Variants in FGFR1 observed in about 807,000 individuals in gnomAD.
FGFR1 encodes the protein FGFR1/PLAG1 fusion.
In FGFR1, 18 loss-of-function variants were observed where a neutral mutation model predicts 93.7. The observed-to-expected ratio is 0.19, with a 90% CI of 0.13 to 0.28. The LOEUF (loss-of-function observed/expected upper bound fraction) is 0.28, where lower values mean the gene tolerates loss of function less well. Among genes scored for constraint, FGFR1 ranks in the 10% least tolerant of loss-of-function variants. FGFR1 has a pLI of 1.00. For missense variants in FGFR1, 731 were observed against 1,080.4 expected (o/e 0.68, Z 4.53); for synonymous variants, 448 against 429.3 (o/e 1.04, Z -0.54).
At chr8:38,430,177 C>A in intron 2 of FGFR1, 1 of 568,976 alleles carries the variant, frequency 1.8e-6, no homozygotes, top group Non-Finnish European at 3.1e-6. Flanking sequence ...CCCCACTCCT[C>A]CAAAAGTCAA....
chr8:38,436,499 G>A lies in FGFR1; in HGVS notation c.92-6551C>T, dbSNP rs192867200. 2.4e-4 allele frequency among the ~76,000 whole-genome samples: 37 copies of A among 152,240 alleles called. No homozygotes were observed. The East Asian group carries it at 6.0e-3, about 25-fold the overall frequency. Reference sequence around the variant, plus strand: ...TTAGGGTTTGCCTTGAACATCGTTCGAGAACTCAGGCTGCTGATCTCATTA... The same window carrying A: ...TTAGGGTTTGCCTTGAACATCGTTCAAGAACTCAGGCTGCTGATCTCATTA... On this transcript the variant is annotated intron_variant, in intron 2 of 17. Coordinates refer to ENST00000447712, the MANE Select transcript of FGFR1 (RefSeq NM_023110.3).
rs973267025 is a variant in FGFR1, at chr8:38,468,327, C to G, written c.-435G>C. ...GGGCTCCATCGCCCTGCGGAGGCCCCGGCGCCGCGGCGTGCCCGACTGCAG... is the reference window on the plus strand; with the variant it reads ...GGGCTCCATCGCCCTGCGGAGGCCCGGGCGCCGCGGCGTGCCCGACTGCAG... On this transcript the variant is annotated 5_prime_UTR_variant, in exon 1 of 18. Coordinates refer to ENST00000447712, the MANE Select transcript of FGFR1 (RefSeq NM_023110.3). 8.8e-6 allele frequency: 2 copies of G among 227,722 alleles called. No individual in the cohort carries two copies. The highest frequency in any genetic ancestry group is 1.7e-5 in the Non-Finnish European group (2 of 114,400). 14.1% of individuals were successfully genotyped at this position (227,722 alleles called of 1,614,324 possible). A position where few individuals can be genotyped will look rare whatever the true frequency, so the allele number is the denominator to read the frequency against.
intron 2 of FGFR1, among the ~76,000 whole-genome samples, chr8:38,449,694 C>G (rs1187879222): frequency 6.6e-6 from 1 of 152,222 alleles, no homozygotes; most frequent in Non-Finnish European, 1.5e-5. Context: ...CCGGGAGGCT[C>G]AGCCACGCCA....
At position 38,429,996 on chromosome 8, in the gene FGFR1, A is replaced by G. The variant is rs781508406; in HGVS notation, c.92-48T>C. On this transcript the variant is annotated intron_variant, in intron 2 of 17. Transcript: ENST00000447712. This position sits in a 1 kb window ranked among gnomAD's most constrained non-coding sequence, Gnocchi z 4.4. ...AAGGGAAGCCAAGGGGCGAGAGAGG[A>G]AGACAGGGAGAGGGGAGGAGGGGAG... 2 of 1,553,828 alleles carry G rather than the reference A, an allele frequency of 1.3e-6. No individual in the cohort carries two copies. The highest frequency in any genetic ancestry group is 1.2e-5 in the South Asian group (1 of 85,490).
At chr8:38,430,211 A>C in intron 2 of FGFR1, 1 of 539,172 alleles carries the variant, frequency 1.9e-6, no homozygotes, top group Non-Finnish European at 3.3e-6. Flanking sequence ...CAAAGTTAGG[A>C]AGCAGCTGTA....
chr8:38,457,448 C>A lies in FGFR1; in HGVS notation c.-2G>T, dbSNP rs2151348395. On this transcript the variant is annotated 5_prime_UTR_variant, in exon 2 of 18. Coordinates refer to ENST00000447712, the MANE Select transcript of FGFR1 (RefSeq NM_023110.3). ...GAGGAGGCACTTCCAGCTCCACATC[C>A]CAGTTCTGCAGTTAGAGGTTGGTGA... 1 of 1,614,048 alleles carries A rather than the reference C, an allele frequency of 6.2e-7. No individual in the cohort carries two copies. The highest frequency in any genetic ancestry group is 8.5e-7 in the Non-Finnish European group (1 of 1,179,994).
chr8:38,428,490 C>G (rs1201602040), intron 3 of FGFR1, 55 bp from the exon 4 acceptor site: 1 of 1,430,676 alleles, frequency 7.0e-7, no homozygotes, highest in African/African-American at 1.4e-5. Flanking sequence ...TAGATTTCAC[C>G]AAGGCTAGTG....
At position 38,412,688 on chromosome 8, in the gene FGFR1, C is replaced by T. The variant is rs1036137186; in HGVS notation, c.*940G>A. 4.3e-6 allele frequency: 1 copy of T among 233,298 alleles called. No individual in the cohort carries two copies. The highest frequency in any genetic ancestry group is 8.5e-6 in the Non-Finnish European group (1 of 117,882). The allele number at this position is 233,298 out of a possible 1,614,324, so 14.5% of individuals were successfully genotyped here. ...CAGGGCCCGTGGGTGTCCCTTCTTT[C>T]CAGTGGACATTCCCACCCTTTTCAT... On this transcript the variant is annotated 3_prime_UTR_variant, in exon 18 of 18. Coordinates refer to ENST00000447712, the MANE Select transcript of FGFR1 (RefSeq NM_023110.3).
At chr8:38,465,513 G>A (rs1462489574) in intron 1 of FGFR1, 2 of 230,124 alleles carry the variant, frequency 8.7e-6, no homozygotes, top group Non-Finnish European at 1.7e-5. Context: ...CAGCCTCCCG[G>A]TCCCCAAACA....
chr8:38,433,406 G>C (rs1211796833), intron 2 of FGFR1, among the ~76,000 whole-genome samples: 1 of 152,072 alleles, frequency 6.6e-6, no homozygotes, highest in Non-Finnish European at 1.5e-5. Context: ...TGCCTCCCAG[G>C]TTCAAGCCAT....
chr8:38,458,962 A>G (rs1340734111), intron 1 of FGFR1: 2 of 220,466 alleles, frequency 9.1e-6, no homozygotes, highest in East Asian at 6.6e-5. Context: ...GGGGCCTGGG[A>G]GGTCCCACTG....
At chr8:38,444,343 G>A (rs1343025144) in intron 2 of FGFR1, among the ~76,000 whole-genome samples, 2 of 151,306 alleles carry the variant, frequency 1.3e-5, no homozygotes, top group East Asian at 3.9e-4. Flanking sequence ...TGAACGTTGA[G>A]CATTTAGTAC....
intron 8 of FGFR1, among the ~76,000 whole-genome samples, chr8:38,420,672 C>T (rs1013679610): frequency 4.6e-5 from 7 of 152,066 alleles, no homozygotes; most frequent in Non-Finnish European, 8.8e-5. Context: ...CTTTGCCCCA[C>T]GGGTGTGGAC....
chr8:38,414,062 A>G (rs2150525953), intron 16 of FGFR1, 39 bp from the exon 17 acceptor site: 1 of 1,613,698 alleles, frequency 6.2e-7, no homozygotes, highest in Non-Finnish European at 8.5e-7. Flanking sequence ...TCTCCTGGAG[A>G]TGGATACTCT....
chr8:38,425,351 T>C (rs974601880), intron 6 of FGFR1, among the ~76,000 whole-genome samples: 1 of 152,142 alleles, frequency 6.6e-6, no homozygotes, highest in East Asian at 1.9e-4. Flanking sequence ...TCTCACTGTG[T>C]TGCCCAGGCT....
At chr8:38,452,591 G>A (rs943474828) in intron 2 of FGFR1, among the ~76,000 whole-genome samples, 10 of 152,054 alleles carry the variant, frequency 6.6e-5, no homozygotes, top group Admixed American at 1.3e-4. Flanking sequence ...TGGAACTCCC[G>A]GGCTCGTGCA....
chr8:38,467,333 ACCT>A (rs977086373), intron 1 of FGFR1, among the ~76,000 whole-genome samples: 2 of 151,528 alleles, frequency 1.3e-5, no homozygotes, highest in Non-Finnish European at 2.9e-5. Flanking sequence ...TGGTGACGAC[ACCT>A]CCTTAAAACC....
chr8:38,417,812 CTGCTGTT>C, intron 11 of FGFR1, 51 bp downstream of exon 11: 1 of 1,613,930 alleles, frequency 6.2e-7, no homozygotes, highest in Admixed American at 1.7e-5. Flanking sequence ...GGCCCGAGGC[CTGCTGTT>C]TGCTTGGAAT....
At chr8:38,423,615 T>G in intron 7 of FGFR1, 1 of 166,250 alleles carries the variant, frequency 6.0e-6, no homozygotes, top group Non-Finnish European at 1.3e-5. Flanking sequence ...TTCTTTCCCT[T>G]TTACAAGTAC....
Sources: allele counts gnomAD v4.1 joint callset (sites outside exome capture counted in the v4.1 genomes callset), GRCh38; gene constraint gnomAD v4.1.1; non-coding constraint Gnocchi (gnomAD v3.1); transcripts MANE v1.5; gene names NCBI Gene and HGNC (gene_info 2026-07-23, HGNC 2026-07-21).